Variants in ASTN2 observed in about 807,000 individuals in gnomAD.
ASTN2 encodes astrotactin-2.
A neutral mutation model predicts 139.8 loss-of-function variants in ASTN2; 54 were observed. The ratio of observed to expected loss-of-function variants is 0.39; its 90% CI spans 0.31 to 0.48. ASTN2 has a LOEUF of 0.48. Among genes scored for constraint, ASTN2 ranks in the 20% least tolerant of loss-of-function variants. The pLI is 0.95. For synonymous variants in ASTN2, 756 were observed against 719.5 expected (o/e 1.05, Z -0.81); for missense variants, 1,565 against 1,725.1 (o/e 0.91, Z 1.64).
chr9:116,423,628 G>A lies in ASTN2; in HGVS notation c.*2223C>T, dbSNP rs777154439. ...TGGTATACATGAGAGGCATTTAGAA[G>A]CTCCACCTGTATACTTAGAGAAACA... On this transcript the variant is annotated 3_prime_UTR_variant, in exon 23 of 23. Transcript: ENST00000313400. 6.6e-6 allele frequency among the ~76,000 whole-genome samples: 1 copy of A among 152,176 alleles called. No individual in the cohort carries two copies. Among genetic ancestry groups the A allele is most frequent in the Non-Finnish European group, 1.5e-5 (1 of 68,026 alleles).
chr9:117,349,021 T>C (rs7874694), intron 1 of ASTN2, among the ~76,000 whole-genome samples: 130,406 of 152,190 alleles, frequency 0.86, 56,104 homozygotes, highest in East Asian at 1. Flanking sequence ...ATGGATTTAT[T>C]GAGTGGCAAC....
chr9:117,116,037 C>CATATAT (rs113795526), intron 4 of ASTN2, among the ~76,000 whole-genome samples: 48,556 of 140,082 alleles, frequency 0.35, 8,536 homozygotes, highest in Middle Eastern at 0.44. Context: ...AAAAAAAATG[C>CATATAT]ATATATATAT....
At chr9:117,206,336 A>C (rs1361634049) in intron 3 of ASTN2, among the ~76,000 whole-genome samples, 6 of 152,076 alleles carry the variant, frequency 3.9e-5, no homozygotes, top group African/African-American at 1.4e-4. Flanking sequence ...TCTCTATCCG[A>C]CCCCATTGCT....
chr9:117,079,183 C>T (rs933474194), intron 5 of ASTN2, among the ~76,000 whole-genome samples: 2 of 152,150 alleles, frequency 1.3e-5, no homozygotes, highest in Non-Finnish European at 2.9e-5. Flanking sequence ...TAGTAAGATC[C>T]TGCCTCTACA....
At chr9:117,056,017 T>G (rs1346811563) in intron 5 of ASTN2, among the ~76,000 whole-genome samples, 2 of 152,230 alleles carry the variant, frequency 1.3e-5, no homozygotes, top group African/African-American at 4.8e-5. Flanking sequence ...TGAGAAGAGC[T>G]GAGGATGGCC....
At chr9:117,208,685 C>T (rs78508430) in intron 3 of ASTN2, among the ~76,000 whole-genome samples, 1,926 of 152,212 alleles carry the variant, frequency 0.013, 32 homozygotes, top group East Asian at 0.081. Flanking sequence ...AGGCATCTTA[C>T]AGTCAAGTTG....
intron 13 of ASTN2, among the ~76,000 whole-genome samples, chr9:116,789,852 T>A (rs142413011): frequency 6.6e-6 from 1 of 151,906 alleles, no homozygotes; most frequent in Non-Finnish European, 1.5e-5. Context: ...CCTGGATTCA[T>A]GTTGAGGAAA....
chr9:116,664,696 T>C (rs1009498956), intron 16 of ASTN2, among the ~76,000 whole-genome samples: 2 of 151,684 alleles, frequency 1.3e-5, no homozygotes, highest in African/African-American at 4.8e-5. Context: ...TATCTCTAAC[T>C]CTACATCAGT....
chr9:117,280,915 T>C (rs373081964), intron 2 of ASTN2, among the ~76,000 whole-genome samples: 199 of 152,314 alleles, frequency 1.3e-3, no homozygotes, highest in African/African-American at 4.6e-3. Context: ...ATCTTGTCAG[T>C]AGTAATTATT....
rs116965607 is a variant in ASTN2, at chr9:117,307,078, T to C, written c.443-15565A>G. ...TGGATCATAGGTACACAAAAAGCCA[T>C]GTTTATACAACCTAAAAACCCCTGT... On this transcript the variant is annotated intron_variant, in intron 1 of 22. Coordinates refer to ENST00000313400, the MANE Select transcript of ASTN2 (RefSeq NM_001365068.1). Among the ~76,000 whole-genome samples, 139 of 152,340 alleles carry C rather than the reference T, an allele frequency of 9.1e-4. 4 individuals carry two copies. In the East Asian group the frequency reaches 0.022, roughly 24 times the overall value.
intron 7 of ASTN2, among the ~76,000 whole-genome samples, chr9:116,990,535 T>C (rs1470164045): frequency 6.6e-6 from 1 of 152,160 alleles, no homozygotes; most frequent in Non-Finnish European, 1.5e-5. Context: ...CCTCCCAAAG[T>C]GTTTGGATAA....
chr9:116,508,139 C>T (rs1331308711), intron 19 of ASTN2, among the ~76,000 whole-genome samples: 1 of 152,196 alleles, frequency 6.6e-6, no homozygotes, highest in Non-Finnish European at 1.5e-5. Context: ...GATCCACCCG[C>T]CTTGGCCTCC....
At chr9:117,392,156 G>C (rs1390621788) in intron 1 of ASTN2, among the ~76,000 whole-genome samples, 3 of 152,192 alleles carry the variant, frequency 2.0e-5, no homozygotes, top group African/African-American at 7.2e-5. Context: ...GGGGGATTAA[G>C]AGCAAGACAG....
intron 2 of ASTN2, among the ~76,000 whole-genome samples, chr9:117,254,859 A>T (rs1358751336): frequency 6.6e-6 from 1 of 151,766 alleles, no homozygotes; most frequent in Non-Finnish European, 1.5e-5. Context: ...TTTCCATTCC[A>T]TTCTATTTTT....
chr9:116,657,075 C>T (rs1043541705), intron 16 of ASTN2, among the ~76,000 whole-genome samples: 7 of 152,116 alleles, frequency 4.6e-5, no homozygotes, highest in East Asian at 3.9e-4. Flanking sequence ...ATTTCTTAGG[C>T]GGAGTTACTG....
chr9:116,924,670 G>T (rs555966150), intron 10 of ASTN2, among the ~76,000 whole-genome samples: 1 of 152,204 alleles, frequency 6.6e-6, no homozygotes, highest in South Asian at 2.1e-4. Context: ...CATGGTGCTG[G>T]TGGGAGTGCC....
Position 117,414,437 on chromosome 9 carries a change from G to A in ASTN2, c.442+60C>T, listed in dbSNP as rs1303904866. 70 of 1,594,786 alleles carry A rather than the reference G, an allele frequency of 4.4e-5. No individual in the cohort carries two copies. The highest frequency in any genetic ancestry group is 5.7e-5 in the Non-Finnish European group (67 of 1,170,882). ...ATCCCCAGGGCGCCCCCACCCGTCC[G>A]GCATGACGCAGGGGCTCGGGGTTCC... On this transcript the variant is annotated intron_variant, in intron 1 of 22. Transcript: ENST00000313400. The surrounding 1 kb of genome is among the most constrained non-coding windows in gnomAD (Gnocchi z 4.2).
At position 117,343,432 on chromosome 9, in the gene ASTN2, A is replaced by C. The variant is rs140734775; in HGVS notation, c.443-51919T>G. 2.0e-5 allele frequency among the ~76,000 whole-genome samples: 3 copies of C among 152,354 alleles called. No individual in the cohort carries two copies. The East Asian group carries it at 5.8e-4, about 29-fold the overall frequency. On this transcript the variant is annotated intron_variant, in intron 1 of 22. Coordinates refer to ENST00000313400, the MANE Select transcript of ASTN2 (RefSeq NM_001365068.1). ...GTGCATGAACTTGCTTTTCCCTGGA[A>C]TAGAGTCACAGAAAACATTTGAACT...
intron 16 of ASTN2, among the ~76,000 whole-genome samples, chr9:116,704,580 A>T (rs1431096875): frequency 6.6e-6 from 1 of 152,218 alleles, no homozygotes; most frequent in African/African-American, 2.4e-5. Context: ...TAGGGGGCAA[A>T]AGCATCCTTC....
Sources: gnomAD v4.1 joint callset for allele counts (sites outside exome capture counted in the v4.1 genomes callset) on GRCh38, gnomAD v4.1.1 for gene constraint, Gnocchi (gnomAD v3.1) non-coding constraint, MANE v1.5 for transcripts, NCBI Gene and HGNC (gene_info 2026-07-23, HGNC 2026-07-21) for gene names.